Variants in RARB observed in about 807,000 individuals in gnomAD.
RARB encodes retinoic acid receptor beta.
Under a neutral mutation model 51.9 loss-of-function variants are expected in RARB, and 17 were observed. The observed-to-expected ratio is 0.33, with a 90% CI of 0.22 to 0.49. RARB has a LOEUF of 0.49. Among genes scored for constraint, RARB ranks in the 20% least tolerant of loss-of-function variants. The pLI, the probability that RARB is intolerant of heterozygous loss-of-function variation, is 0.99. For synonymous variants in RARB, 215 were observed against 195.4 expected, an observed-to-expected ratio of 1.10 and a Z score of -0.84; for missense variants, 369 against 550.8, an observed-to-expected ratio of 0.67 and a Z score of 3.30.
At chr3:25,014,301 A>G (rs1697461909) in intron 2 of RARB, among the ~76,000 whole-genome samples, 1 of 152,006 alleles carries the variant, frequency 6.6e-6, no homozygotes, top group Admixed American at 6.6e-5. Flanking sequence ...ATGTTGTGCC[A>G]GTTCTGGGCC....
chr3:24,889,592 CT>C (rs1703336683), intron 2 of RARB, among the ~76,000 whole-genome samples: 1 of 151,718 alleles, frequency 6.6e-6, no homozygotes, highest in Non-Finnish European at 1.5e-5. Flanking sequence ...GCTTGGAAAA[CT>C]TTTTGTTTTT....
At chr3:25,193,813 A>G (rs1701161929) in intron 5 of RARB, among the ~76,000 whole-genome samples, 2 of 152,094 alleles carry the variant, frequency 1.3e-5, no homozygotes, top group South Asian at 2.1e-4. Context: ...AACGTGCAAT[A>G]TTTACATTTT....
chr3:25,140,817 A>G (rs190035130), intron 4 of RARB, among the ~76,000 whole-genome samples: 3 of 152,192 alleles, frequency 2.0e-5, no homozygotes, highest in East Asian at 3.9e-4. Flanking sequence ...TAATGCCCCA[A>G]TCCATCAGTA....
chr3:24,951,896 G>T (rs1265177254), intron 2 of RARB, among the ~76,000 whole-genome samples: 3 of 152,170 alleles, frequency 2.0e-5, no homozygotes, highest in Admixed American at 6.5e-5. Flanking sequence ...AATAGTTTCT[G>T]CAAATTTGGA....
rs73156020 is a variant in RARB, at chr3:25,324,023, A to G, written c.179-137170A>G. On this transcript the variant is annotated intron_variant, in intron 5 of 11. Coordinates refer to the RARB transcript ENST00000383772. The stretch of plus-strand genomic sequence containing the variant: ...GGTGACACTCAAGGAAGCAGAGATA[A>G]TAAAGGAAGTGGAAGAAAATCAAGA... Among the ~76,000 whole-genome samples, 1,483 of 152,228 alleles carry G rather than the reference A, an allele frequency of 9.7e-3. 20 individuals carry two copies. Among genetic ancestry groups the G allele is most frequent in the African/African-American group, 0.034 (1,398 of 41,478 alleles).
intron 5 of RARB, among the ~76,000 whole-genome samples, chr3:25,176,542 C>T (rs891401179): frequency 2.0e-5 from 3 of 151,218 alleles, no homozygotes; most frequent in Admixed American, 6.6e-5. Context: ...ACTACAGGCA[C>T]GCACCACCAC....
At chr3:25,522,852 C>T (rs1170898632) in intron 3 of RARB, among the ~76,000 whole-genome samples, 1 of 152,134 alleles carries the variant, frequency 6.6e-6, no homozygotes, top group Non-Finnish European at 1.5e-5. Context: ...GCTTAAGGTT[C>T]TGTCCGCAGA....
At chr3:24,957,178 A>T (rs1696035897) in intron 2 of RARB, among the ~76,000 whole-genome samples, 1 of 152,118 alleles carries the variant, frequency 6.6e-6, no homozygotes, top group South Asian at 2.1e-4. Context: ...TCTGAAGTGG[A>T]ATCTGGACAA....
At chr3:24,948,679 G>A (rs559992283) in intron 2 of RARB, among the ~76,000 whole-genome samples, 140 of 152,254 alleles carry the variant, frequency 9.2e-4, no homozygotes, top group Middle Eastern at 3.4e-3. Context: ...TGGGCCTGGT[G>A]GGAGGGGATT....
chr3:25,419,514 C>T (rs552057825), intron 5 of RARB, among the ~76,000 whole-genome samples: 1 of 152,254 alleles, frequency 6.6e-6, no homozygotes, highest in African/African-American at 2.4e-5. Context: ...GAGAGAGTAT[C>T]TGTCATACCA....
chr3:25,247,067 G>A (rs1461288521), intron 5 of RARB, among the ~76,000 whole-genome samples: 1 of 152,214 alleles, frequency 6.6e-6, no homozygotes, highest in African/African-American at 2.4e-5. Flanking sequence ...CAGCTTTGTG[G>A]AGCTGCAGTG....
intron 5 of RARB, among the ~76,000 whole-genome samples, chr3:25,390,431 G>A (rs1212682646): frequency 2.0e-5 from 3 of 152,118 alleles, no homozygotes; most frequent in South Asian, 2.1e-4. Flanking sequence ...CCAGAATTAT[G>A]AGCAATAAAT....
chr3:25,580,740 C>T lies in RARB; in HGVS notation c.786+18C>T, dbSNP rs199926860. 8.2e-6 allele frequency: 13 copies of T among 1,588,130 alleles called. No individual in the cohort carries two copies. The African/African-American group carries it at 1.2e-4, about 15-fold the overall frequency. ...ACATCCTGGTATGTGCCTTTTTGAG[C>T]TCTCAATGGGTCTGGGGAGGGAGAG... On this transcript the variant is annotated intron_variant, in intron 5 of 7. Transcript: ENST00000330688.
chr3:25,357,085 A>T (rs980309687), intron 5 of RARB, among the ~76,000 whole-genome samples: 5 of 152,170 alleles, frequency 3.3e-5, no homozygotes, highest in Non-Finnish European at 7.4e-5. Flanking sequence ...TTGAGGAATC[A>T]CCACACTGTT....
intron 2 of RARB, among the ~76,000 whole-genome samples, chr3:24,971,383 G>A (rs1696394569): frequency 6.6e-6 from 1 of 152,026 alleles, no homozygotes; most frequent in Admixed American, 6.6e-5. Flanking sequence ...CATGTATGTA[G>A]TGTTTTGAAT....
At chr3:25,014,245 T>C (rs889954400) in intron 2 of RARB, among the ~76,000 whole-genome samples, 5 of 152,120 alleles carry the variant, frequency 3.3e-5, no homozygotes, top group African/African-American at 1.2e-4. Context: ...CTTTGAAACA[T>C]GGCTGGTCTT....
At chr3:25,130,645 G>T (rs1699931063) in intron 3 of RARB, among the ~76,000 whole-genome samples, 1 of 151,768 alleles carries the variant, frequency 6.6e-6, no homozygotes, top group South Asian at 2.1e-4. Context: ...GGGTGTGGGG[G>T]AATTTGCCTT....
intron 2 of RARB, among the ~76,000 whole-genome samples, chr3:24,967,197 C>G (rs967884320): frequency 1.3e-5 from 2 of 152,126 alleles, no homozygotes; most frequent in Non-Finnish European, 2.9e-5. Flanking sequence ...GCCACTTTGA[C>G]AGGAGATAAG....
At position 24,981,870 on chromosome 3, in the gene RARB, T is replaced by C. The variant is rs531681965; in HGVS notation, c.-379-78255T>C. ...AGAAATCACCCATCCTCTGCCTCTA[T>C]CTCCCTGGGAGCTGTAGACCAGAGC... On this transcript the variant is annotated intron_variant, in intron 2 of 11. Coordinates refer to the RARB transcript ENST00000383772. Among the ~76,000 whole-genome samples the C allele has an allele frequency of 4.6e-5, 7 of 152,292 alleles. No homozygotes were observed. The South Asian group carries it at 1.5e-3, about 32-fold the overall frequency.
Sources: gnomAD v4.1 joint callset for allele counts (sites outside exome capture counted in the v4.1 genomes callset) on GRCh38, gnomAD v4.1.1 for gene constraint, MANE v1.5 for transcripts, NCBI Gene and HGNC (gene_info 2026-07-23, HGNC 2026-07-21) for gene names.